The following IGF1R variants were observed in gnomAD, a reference collection of about 807,000 sequenced individuals.
The protein encoded by IGF1R is insulin like growth factor 1 receptor.
Under a neutral mutation model 144.6 loss-of-function variants are expected in IGF1R, and 44 were observed. That is an observed-to-expected ratio of 0.30 (90% CI 0.24 to 0.39). The LOEUF (loss-of-function observed/expected upper bound fraction) is 0.39. Among genes scored for constraint, IGF1R ranks in the 10% least tolerant of loss-of-function variants. The pLI is 1.00. For missense variants in IGF1R, 1,355 were observed against 1,833.7 expected (o/e 0.74, Z 4.77); for synonymous variants, 795 against 722.8 (o/e 1.10, Z -1.60).
At chr15:98,867,607 G>C (rs2012525588) in intron 2 of IGF1R, among the ~76,000 whole-genome samples, 1 of 152,126 alleles carries the variant, frequency 6.6e-6, no homozygotes, top group African/African-American at 2.4e-5. Flanking sequence ...TTATCTGTGT[G>C]TACATCTCAT....
At chr15:98,669,901 G>A (rs1455575772) in intron 1 of IGF1R, among the ~76,000 whole-genome samples, 2 of 152,218 alleles carry the variant, frequency 1.3e-5, no homozygotes, top group Non-Finnish European at 2.9e-5. Flanking sequence ...TGGGCTGAGA[G>A]TGCCACTTGG....
At chr15:98,942,412 C>T (rs2016398107) in intron 18 of IGF1R, among the ~76,000 whole-genome samples, 1 of 152,148 alleles carries the variant, frequency 6.6e-6, no homozygotes, top group Non-Finnish European at 1.5e-5. Context: ...TGGCTCACTG[C>T]AGCCTCAACC....
chr15:98,876,997 A>G (rs1376653967), intron 2 of IGF1R, among the ~76,000 whole-genome samples: 1 of 152,248 alleles, frequency 6.6e-6, no homozygotes, highest in Non-Finnish European at 1.5e-5. Context: ...TGTATACTCT[A>G]TAATAAATGT....
chr15:98,915,980 G>A lies in IGF1R; in HGVS notation c.1845G>A (p.Leu615=), dbSNP rs767875063. ...RTNASVPSIP[L]DVLSASNSSS... ...CCTCTCCAGTTCCTTCCATTCCCTT[G>A]GACGTTCTTTCAGCATCGAACTCCT... The change falls in exon 9 of 21, where the codon TTG becomes TTA. Residue 615 remains leucine, a synonymous_variant. Coordinates refer to ENST00000650285, the MANE Select transcript of IGF1R (RefSeq NM_000875.5). The A allele has an allele frequency of 7.4e-6, 12 of 1,613,968 alleles. No homozygotes were observed. In the South Asian group the frequency reaches 1.3e-4, roughly 18 times the overall value.
In IGF1R at chr15:98,957,834, T is replaced by G. The variant is rs2017069895; in HGVS notation, c.*392T>G. 9.7e-6 allele frequency: 3 copies of G among 310,626 alleles called. No homozygotes were observed. The highest frequency in any genetic ancestry group is 1.2e-5 in the Non-Finnish European group (2 of 166,544). 19.2% of individuals were successfully genotyped at this position (310,626 alleles called of 1,614,324 possible). On this transcript the variant is annotated 3_prime_UTR_variant, in exon 21 of 21. Transcript: ENST00000650285. The stretch of plus-strand genomic sequence containing the variant: ...ACAAGTCCAGCTGGGAAGCCCTTTT[T>G]ATCAGTTTGAGGAAGTGGCTGTCCC...
rs761100003 is a variant in IGF1R, at chr15:98,861,044, CATCT to C, written c.641-30278_641-30275del. 2.3e-4 allele frequency among the ~76,000 whole-genome samples: 35 copies of C among 151,852 alleles called. No homozygotes were observed. The East Asian group carries it at 6.2e-3, about 27-fold the overall frequency. Reference sequence around the variant, plus strand: ...TTTTTCTTCCCTCCCTCCCTCCCTCCATCTATGTCTCTGTCTTTCTCTGAACATC... The same window carrying C: ...TTTTTCTTCCCTCCCTCCCTCCCTCCATGTCTCTGTCTTTCTCTGAACATC... On this transcript the variant is annotated intron_variant, in intron 2 of 20. Coordinates refer to ENST00000650285, the MANE Select transcript of IGF1R (RefSeq NM_000875.5).
At position 98,891,164 on chromosome 15, in the gene IGF1R, G is replaced by T. The variant is rs2013889304; in HGVS notation, c.641-161G>T. Among the ~76,000 whole-genome samples, 1 of 152,226 alleles carries T rather than the reference G, an allele frequency of 6.6e-6. No homozygotes were observed. Among genetic ancestry groups the T allele is most frequent in the Admixed American group, 6.5e-5 (1 of 15,288 alleles). On this transcript the variant is annotated intron_variant, in intron 2 of 20. Coordinates refer to ENST00000650285, the MANE Select transcript of IGF1R (RefSeq NM_000875.5). The surrounding 1 kb of genome is among the most constrained non-coding windows in gnomAD (Gnocchi z 4.7). ...GGTCTAAGTGGATGAAAGGACAGTG[G>T]TGGGGGTGAGGATTTCGTAGTGTGT...
intron 2 of IGF1R, among the ~76,000 whole-genome samples, chr15:98,890,112 C>T (rs2013832202): frequency 6.6e-6 from 1 of 152,208 alleles, no homozygotes; most frequent in African/African-American, 2.4e-5. Context: ...GCGGAGGTGG[C>T]TTCTAATATC....
intron 2 of IGF1R, among the ~76,000 whole-genome samples, chr15:98,862,929 A>G (rs1419765640): frequency 6.6e-6 from 1 of 152,198 alleles, no homozygotes; most frequent in Non-Finnish European, 1.5e-5. Context: ...TACGGTTATC[A>G]AAACAGTGTT....
In IGF1R at chr15:98,704,362, G is replaced by A. The variant is rs2053810320; in HGVS notation, c.95-3200G>A. Among the ~76,000 whole-genome samples the A allele has an allele frequency of 6.6e-6, 1 of 152,110 alleles. No homozygotes were observed. The highest frequency in any genetic ancestry group is 6.5e-5 in the Admixed American group (1 of 15,272). The stretch of plus-strand genomic sequence containing the variant: ...TGGAGACCCAGATGGCTAGAGAATG[G>A]GGCAGCCTCCTGAAGGAGCAGAAGC... On this transcript the variant is annotated intron_variant, in intron 1 of 20. Transcript: ENST00000650285. The surrounding 1 kb of genome is among the most constrained non-coding windows in gnomAD (Gnocchi z 4.9).
intron 1 of IGF1R, among the ~76,000 whole-genome samples, chr15:98,689,820 C>A (rs1320786469): frequency 3.9e-5 from 6 of 152,056 alleles, no homozygotes; most frequent in Admixed American, 6.5e-5. Flanking sequence ...TTTCAGCCAG[C>A]GGTGTGAGTG....
chr15:98,655,665 A>C (rs1023910060), intron 1 of IGF1R, among the ~76,000 whole-genome samples: 1 of 152,012 alleles, frequency 6.6e-6, no homozygotes, highest in African/African-American at 2.4e-5. Context: ...ATAAAACGAA[A>C]CAAACTAGTA....
intron 2 of IGF1R, among the ~76,000 whole-genome samples, chr15:98,830,574 T>C (rs150500247): frequency 1.9e-4 from 29 of 151,970 alleles, no homozygotes; most frequent in African/African-American, 2.7e-4. Context: ...CTTCAGGCTG[T>C]TCAAGCATGG....
At chr15:98,805,749 A>G (rs1184947382) in intron 2 of IGF1R, among the ~76,000 whole-genome samples, 1 of 152,210 alleles carries the variant, frequency 6.6e-6, no homozygotes, top group Non-Finnish European at 1.5e-5. Flanking sequence ...CCTTGCCATA[A>G]ATTATTGCTT....
At chr15:98,846,896 C>T (rs940266741) in intron 2 of IGF1R, among the ~76,000 whole-genome samples, 4 of 152,124 alleles carry the variant, frequency 2.6e-5, no homozygotes, top group African/African-American at 7.2e-5. Flanking sequence ...TGAAAATGAC[C>T]CAGGAATTCC....
chr15:98,836,577 C>T (rs183017833), intron 2 of IGF1R, among the ~76,000 whole-genome samples: 1 of 151,332 alleles, frequency 6.6e-6, no homozygotes, highest in Admixed American at 6.6e-5. Context: ...CTAACGTTAG[C>T]ATTTTACATA....
At chr15:98,745,609 GA>G (rs932447590) in intron 2 of IGF1R, among the ~76,000 whole-genome samples, 1 of 151,202 alleles carries the variant, frequency 6.6e-6, no homozygotes, top group Non-Finnish European at 1.5e-5. Context: ...ATAAAGGAGT[GA>G]AAAAAAAATC....
At chr15:98,728,284 C>G (rs1301547973) in intron 2 of IGF1R, among the ~76,000 whole-genome samples, 1 of 152,130 alleles carries the variant, frequency 6.6e-6, no homozygotes, top group Non-Finnish European at 1.5e-5. Flanking sequence ...CGGTGCCTGT[C>G]TGTGAAAGGC....
intron 2 of IGF1R, among the ~76,000 whole-genome samples, chr15:98,858,249 A>G (rs1355932495): frequency 6.6e-6 from 1 of 152,194 alleles, no homozygotes; most frequent in Non-Finnish European, 1.5e-5. Context: ...AGTTGAGTTG[A>G]TTTTTATTTC....
Sources: gnomAD v4.1 joint callset for allele counts (sites outside exome capture counted in the v4.1 genomes callset) on GRCh38, gnomAD v4.1.1 for gene constraint, Gnocchi (gnomAD v3.1) non-coding constraint, MANE v1.5 for transcripts, NCBI Gene and HGNC (gene_info 2026-07-23, HGNC 2026-07-21) for gene names.